Variants in OSBPL3 observed in about 807,000 individuals in gnomAD.
The protein encoded by OSBPL3 is oxysterol binding protein like 3, also known as oxysterol-binding protein-related protein 3.
A neutral mutation model predicts 120.1 loss-of-function variants in OSBPL3; 65 were observed. The ratio of observed to expected loss-of-function variants is 0.54; its 90% CI spans 0.44 to 0.67. OSBPL3 has a LOEUF of 0.67. Ranked by LOEUF, OSBPL3 falls within the 30% of genes least tolerant of loss-of-function variation. The probability of loss-of-function intolerance (pLI) is 0.00; values close to 1 mark genes in which losing one functional copy is unlikely to be tolerated. For missense variants in OSBPL3, 1,004 were observed against 1,082.1 expected, an observed-to-expected ratio of 0.93 and a Z score of 1.01; for synonymous variants, 416 against 402.6, an observed-to-expected ratio of 1.03 and a Z score of -0.40.
chr7:24,936,020 C>T lies in OSBPL3; in HGVS notation c.-149-43399G>A, dbSNP rs1812373642. Among the ~76,000 whole-genome samples the T allele has an allele frequency of 8.0e-6, 1 of 124,804 alleles. No homozygotes were observed. The highest frequency in any genetic ancestry group is 3.0e-5 in the African/African-American group (1 of 33,854). 81.9% of individuals were successfully genotyped at this position (124,804 alleles called of 152,430 possible). On this transcript the variant is annotated intron_variant, in intron 1 of 22. Coordinates refer to ENST00000313367, the MANE Select transcript of OSBPL3 (RefSeq NM_015550.4). This position sits in a 1 kb window ranked among gnomAD's most constrained non-coding sequence, Gnocchi z 4.2. ...TTAGCATTAGGTATATCTCCTAAAG[C>T]TATCCCTCCCCCCTCCCCAGGAATC...
chr7:24,850,381 G>A (rs773611924), intron 11 of OSBPL3, among the ~76,000 whole-genome samples: 7 of 152,180 alleles, frequency 4.6e-5, no homozygotes, highest in South Asian at 2.1e-4. Flanking sequence ...ACACTCACAC[G>A]ATCAGCTCCA....
At chr7:24,882,372 C>T (rs114312286) in intron 2 of OSBPL3, among the ~76,000 whole-genome samples, 2,119 of 151,964 alleles carry the variant, frequency 0.014, 55 homozygotes, top group African/African-American at 0.049. Context: ...CTGTGCCTGG[C>T]TTATTTCACT....
rs1043776900 is a variant in OSBPL3 at position 24,916,919 on chromosome 7, C to CCCT, written c.-149-24299_-149-24298insAGG. Among the ~76,000 whole-genome samples, 17 of 34,918 alleles carry CCCT rather than the reference C, an allele frequency of 4.9e-4. No homozygotes were observed. Among genetic ancestry groups the CCCT allele is most frequent in the Admixed American group, 4.0e-3 (16 of 4,016 alleles). The allele number at this position is 34,918 out of a possible 152,430, so 22.9% of individuals were successfully genotyped here. On this transcript the variant is annotated intron_variant, in intron 1 of 22. Coordinates refer to ENST00000313367, the MANE Select transcript of OSBPL3 (RefSeq NM_015550.4). This position sits in a 1 kb window ranked among gnomAD's most constrained non-coding sequence, Gnocchi z 4.9. ...GCCACTAAGACGTCTTCCATTTCCA[C>CCCT]CCCCCCCAACCTTTTTAGAAAATTA...
rs1814690610 is a variant in OSBPL3, at chr7:24,953,494, T to C, written c.-150+26392A>G. 6.6e-6 allele frequency among the ~76,000 whole-genome samples: 1 copy of C among 152,262 alleles called. No homozygotes were observed. Among genetic ancestry groups the C allele is most frequent in the South Asian group, 2.1e-4 (1 of 4,836 alleles). On this transcript the variant is annotated intron_variant, in intron 1 of 22. Transcript: ENST00000313367. This position sits in a 1 kb window ranked among gnomAD's most constrained non-coding sequence, Gnocchi z 4.3. ...AATTGTAATCAGACTTGAATAATCATCTTAAATAAAAGTTTATTAATTGAA... is the reference window on the plus strand; with the variant it reads ...AATTGTAATCAGACTTGAATAATCACCTTAAATAAAAGTTTATTAATTGAA...
chr7:24,820,491 G>A lies in OSBPL3; in HGVS notation c.1885-253C>T, dbSNP rs924028249. Among the ~76,000 whole-genome samples the A allele has an allele frequency of 3.9e-5, 6 of 152,128 alleles. No homozygotes were observed. The highest frequency in any genetic ancestry group is 1.9e-4 in the East Asian group (1 of 5,190). Reference sequence around the variant, plus strand: ...CCTCCAGAAGCCTCCGTGGGAGGGCGGCCAGGTGGCGAGTGATGAGGATAG... The same window carrying A: ...CCTCCAGAAGCCTCCGTGGGAGGGCAGCCAGGTGGCGAGTGATGAGGATAG... On this transcript the variant is annotated intron_variant, in intron 16 of 22. Coordinates refer to ENST00000313367, the MANE Select transcript of OSBPL3 (RefSeq NM_015550.4). This position sits in a 1 kb window ranked among gnomAD's most constrained non-coding sequence, Gnocchi z 4.6.
At chr7:24,907,807 C>T (rs1411134075) in intron 1 of OSBPL3, among the ~76,000 whole-genome samples, 1 of 152,224 alleles carries the variant, frequency 6.6e-6, no homozygotes, top group Non-Finnish European at 1.5e-5. Context: ...CTCTGACTCA[C>T]TCTTCATATC....
In OSBPL3 at chr7:24,834,714, C is replaced by T; in HGVS notation, c.1518G>A (p.Arg506=). 6.2e-7 allele frequency: 1 copy of T among 1,612,214 alleles called. No individual in the cohort carries two copies. The highest frequency in any genetic ancestry group is 8.5e-7 in the Non-Finnish European group (1 of 1,179,196). The change falls in exon 15 of 23, where the codon CGG becomes CGA. Residue 506 remains arginine, a synonymous_variant. Coordinates refer to ENST00000313367, the MANE Select transcript of OSBPL3 (RefSeq NM_015550.4). This position sits in a 1 kb window ranked among gnomAD's most constrained non-coding sequence, Gnocchi z 5.2. ...QTLGPVLDSG[R]EAKSRRRTCL... ...ACGTTCTTCTCCGGGACTTCGCTTC[C>T]CGACCACTATCAAGGACAGGCCCTG...
intron 16 of OSBPL3, among the ~76,000 whole-genome samples, chr7:24,823,451 T>C (rs1274694790): frequency 6.6e-6 from 1 of 152,084 alleles, no homozygotes; most frequent in East Asian, 1.9e-4. Context: ...AATTAGGAAA[T>C]AGGGGTTCTG....
chr7:24,840,930 A>G (rs1236007092), intron 13 of OSBPL3, 147 bp from the exon 14 acceptor site: 9 of 516,620 alleles, frequency 1.7e-5, no homozygotes, highest in Non-Finnish European at 3.0e-5. Context: ...CCATATACCA[A>G]TCTGCCAAGG....
chr7:24,848,954 C>A, intron 12 of OSBPL3, 115 bp downstream of exon 12: 1 of 707,276 alleles, frequency 1.4e-6, no homozygotes, highest in Non-Finnish European at 2.5e-6. Context: ...AGGAGGAGGG[C>A]AGAGAGGTGG....
rs1795132356 is a variant in OSBPL3, at chr7:24,821,465, C to T, written c.1885-1227G>A. 6.6e-6 allele frequency among the ~76,000 whole-genome samples: 1 copy of T among 152,172 alleles called. No homozygotes were observed. Among genetic ancestry groups the T allele is most frequent in the Admixed American group, 6.5e-5 (1 of 15,280 alleles). On this transcript the variant is annotated intron_variant, in intron 16 of 22. Coordinates refer to ENST00000313367, the MANE Select transcript of OSBPL3 (RefSeq NM_015550.4). The surrounding 1 kb of genome is among the most constrained non-coding windows in gnomAD (Gnocchi z 5.5). ...GGGAGGGCAGTGGGTGACAAATCCA[C>T]AGCTGTTCACCTTCCTTGGGACCCT... is the stretch of plus-strand genomic sequence containing the variant.
intron 19 of OSBPL3, 107 bp downstream of exon 19, chr7:24,814,952 C>A (rs1794288867): frequency 1.9e-6 from 2 of 1,035,796 alleles, no homozygotes; most frequent in Non-Finnish European, 2.9e-6. Context: ...TGCTTGCCTG[C>A]TGGCATAAAG....
In OSBPL3 at chr7:24,877,590, A is replaced by T. The variant is rs943873240; in HGVS notation, c.97-5521T>A. 6.6e-6 allele frequency among the ~76,000 whole-genome samples: 1 copy of T among 152,134 alleles called. No individual in the cohort carries two copies. The highest frequency in any genetic ancestry group is 2.4e-5 in the African/African-American group (1 of 41,442). ...CTACTACCTGGGAAATAGGGGCCGA[A>T]ATAAATGTTTACTGAATGAGTCTGC... On this transcript the variant is annotated intron_variant, in intron 2 of 22. Coordinates refer to ENST00000313367, the MANE Select transcript of OSBPL3 (RefSeq NM_015550.4). This position sits in a 1 kb window ranked among gnomAD's most constrained non-coding sequence, Gnocchi z 4.8.
In OSBPL3 at chr7:24,955,135, T is replaced by C. The variant is rs941895055; in HGVS notation, c.-150+24751A>G. ...TTCTTTTGTTCACTACTATACATAT[T>C]ACCAACATTTGAACAGTGTCTGGCA... is the stretch of plus-strand genomic sequence containing the variant. On this transcript the variant is annotated intron_variant, in intron 1 of 22. Transcript: ENST00000313367. This position sits in a 1 kb window ranked among gnomAD's most constrained non-coding sequence, Gnocchi z 4.3. Among the ~76,000 whole-genome samples, 3 of 152,218 alleles carry C rather than the reference T, an allele frequency of 2.0e-5. No homozygotes were observed. Among genetic ancestry groups the C allele is most frequent in the African/African-American group, 7.2e-5 (3 of 41,446 alleles).
chr7:24,918,111 A>G lies in OSBPL3; in HGVS notation c.-149-25490T>C. ...GCACAGGTGCTGTTTCTCAGTGTGT[A>G]TCAGGCTCACAGCAGCCAGTAATGA... On this transcript the variant is annotated intron_variant, in intron 1 of 22. Transcript: ENST00000313367. This position sits in a 1 kb window ranked among gnomAD's most constrained non-coding sequence, Gnocchi z 4.3. The G allele has an allele frequency of 1.0e-6, 1 of 983,448 alleles. No individual in the cohort carries two copies. Among genetic ancestry groups the G allele is most frequent in the South Asian group, 4.7e-5 (1 of 21,258 alleles). 60.9% of individuals were successfully genotyped at this position (983,448 alleles called of 1,614,324 possible).
intron 7 of OSBPL3, 84 bp downstream of exon 7, chr7:24,865,258 G>C: frequency 7.1e-7 from 1 of 1,413,844 alleles, no homozygotes; most frequent in South Asian, 1.3e-5. Context: ...ATAGGGGAAG[G>C]ACACAAATGA....
Position 24,892,418 on chromosome 7 carries a change from T to C in OSBPL3, c.55A>G (p.Arg19Gly), listed in dbSNP as rs1464629964. The change falls in exon 2 of 23, where the codon AGG becomes GGG. Residue 19 changes from arginine to glycine, a missense_variant. Coordinates refer to ENST00000313367, the MANE Select transcript of OSBPL3 (RefSeq NM_015550.4). ...TTGGAAGAGCAGCTACTTGTGCTCC[T>C]TGAAGGTGATACCAATTTTTGGGAC... ...GVSQKLVSPS[R>G]STSSCSSKQG... 3 of 1,613,782 alleles carry C rather than the reference T, an allele frequency of 1.9e-6. No homozygotes were observed. The highest frequency in any genetic ancestry group is 1.3e-5 in the African/African-American group (1 of 74,930).
At position 24,809,844 on chromosome 7, in the gene OSBPL3, A is replaced by G; in HGVS notation, c.2280T>C (p.Cys760=). The G allele has an allele frequency of 6.2e-7, 1 of 1,614,134 alleles. No individual in the cohort carries two copies. Among genetic ancestry groups the G allele is most frequent in the Non-Finnish European group, 8.5e-7 (1 of 1,180,008 alleles). Residue 760 remains cysteine (C), a synonymous_variant, in exon 20 of 23, where the codon TGT becomes TGC. Transcript: ENST00000313367. ...LFGKWHESIY[C]GGGSSSACVW... ...CACAGGCAGAAGAGGAGCCGCCGCC[A>G]CAGTAGATGCTTTCATGCCATTTCC...
chr7:24,979,545 T>A lies in OSBPL3; in HGVS notation c.-150+341A>T, dbSNP rs181377087. On this transcript the variant is annotated intron_variant, in intron 1 of 22. Transcript: ENST00000313367. ...GAGCCTCTAGCCCCGGCGTAGCGCC[T>A]CCCCGCTGCCCAGGACAGCTCCGCG... is the stretch of plus-strand genomic sequence containing the variant. 7.5e-4 allele frequency among the ~76,000 whole-genome samples: 114 copies of A among 152,230 alleles called. 1 individual carries two copies. Among genetic ancestry groups the A allele is most frequent in the African/African-American group, 2.4e-3 (101 of 41,548 alleles).
Sources: allele counts gnomAD v4.1 joint callset (sites outside exome capture counted in the v4.1 genomes callset), GRCh38; gene constraint gnomAD v4.1.1; non-coding constraint Gnocchi (gnomAD v3.1); transcripts MANE v1.5; gene names NCBI Gene and HGNC (gene_info 2026-07-23, HGNC 2026-07-21).